Variants in ENOX1 observed in about 807,000 individuals in gnomAD.
ENOX1 encodes candidate growth-related and time keeping constitutive hydroquinone (NADH) oxidase.
In ENOX1, 42 loss-of-function variants were observed where a neutral mutation model predicts 82.5. The ratio of observed to expected loss-of-function variants is 0.51; its 90% CI spans 0.40 to 0.66. The LOEUF is 0.66. ENOX1 is among the 30% of genes least tolerant of loss of function. The pLI is 0.00. For synonymous variants in ENOX1, 271 were observed against 282.2 expected, an observed-to-expected ratio of 0.96 and a Z score of 0.40; for missense variants, 608 against 811.6, an observed-to-expected ratio of 0.75 and a Z score of 3.05.
intron 3 of ENOX1, among the ~76,000 whole-genome samples, chr13:43,481,405 A>C (rs1272209534): frequency 6.6e-6 from 1 of 152,166 alleles, no homozygotes; most frequent in East Asian, 1.9e-4. Context: ...AAGACTCCAC[A>C]AAAGTGTAAG....
intron 2 of ENOX1, among the ~76,000 whole-genome samples, chr13:43,558,924 A>G (rs1024684497): frequency 6.6e-6 from 1 of 152,228 alleles, no homozygotes; most frequent in Non-Finnish European, 1.5e-5. Context: ...GCCACACTTC[A>G]TCCTGTTAAT....
chr13:43,528,318 C>A (rs1046282651), intron 2 of ENOX1, among the ~76,000 whole-genome samples: 4 of 151,992 alleles, frequency 2.6e-5, no homozygotes, highest in African/African-American at 9.7e-5. Flanking sequence ...CAGCATATAC[C>A]CTTTGTATAC....
intron 1 of ENOX1, among the ~76,000 whole-genome samples, chr13:43,783,951 T>A (rs564213016): frequency 6.6e-5 from 10 of 152,338 alleles, no homozygotes; most frequent in African/African-American, 2.2e-4. Flanking sequence ...AGTATCAGGA[T>A]GTGGAAGCAG....
At chr13:43,437,450 G>T (rs1429656943) in intron 3 of ENOX1, among the ~76,000 whole-genome samples, 1 of 152,042 alleles carries the variant, frequency 6.6e-6, no homozygotes, top group African/African-American at 2.4e-5. Flanking sequence ...AACTTTATCG[G>T]GATTCAATCA....
At chr13:43,343,569 T>TGCAA in intron 9 of ENOX1, among the ~76,000 whole-genome samples, 1 of 152,214 alleles carries the variant, frequency 6.6e-6, no homozygotes, top group Admixed American at 6.5e-5. Flanking sequence ...GATCTCAGTT[T>TGCAA]TGCCCTCTCT....
chr13:43,526,166 C>A (rs2077983506), intron 2 of ENOX1, among the ~76,000 whole-genome samples: 1 of 152,084 alleles, frequency 6.6e-6, no homozygotes, highest in African/African-American at 2.4e-5. Flanking sequence ...TAGTGGCAGA[C>A]AAATGGAAGT....
intron 5 of ENOX1, among the ~76,000 whole-genome samples, chr13:43,397,153 T>C (rs965912009): frequency 2.0e-5 from 3 of 152,236 alleles, no homozygotes; most frequent in African/African-American, 7.2e-5. Context: ...AAGGATGACA[T>C]AGAAAATTCA....
At chr13:43,281,109 ATAGGCTT>A (rs1299488742) in intron 12 of ENOX1, among the ~76,000 whole-genome samples, 1 of 152,166 alleles carries the variant, frequency 6.6e-6, no homozygotes, top group Non-Finnish European at 1.5e-5. Flanking sequence ...CAGTTTCCCC[ATAGGCTT>A]TCAACCACCT....
Position 43,322,453 on chromosome 13 carries a change from C to T in ENOX1, c.1192G>A (p.Glu398Lys). The T allele has an allele frequency of 1.2e-6, 2 of 1,614,106 alleles. No homozygotes were observed. The highest frequency in any genetic ancestry group is 1.3e-5 in the African/African-American group (1 of 75,052). ...SEQLMGIRRE[E>K]EMEMSDDENC... ...TCATCATCAGACATTTCCATTTCTT[C>T]TTCGCGGCGGATGCCCATGAGCTGC... The change falls in exon 11 of 17, where the codon GAA becomes AAA. Residue 398 changes from glutamate to lysine, a missense_variant. Glu to Lys is a moderately conservative substitution (Grantham distance 56). Transcript: ENST00000690772.
intron 2 of ENOX1, among the ~76,000 whole-genome samples, chr13:43,502,860 G>C (rs1329639496): frequency 6.6e-6 from 1 of 151,044 alleles, no homozygotes; most frequent in Admixed American, 6.6e-5. Context: ...GAGCAATCAG[G>C]CAATAAAAAG....
chr13:43,718,061 A>G (rs939535579), intron 1 of ENOX1, among the ~76,000 whole-genome samples: 3 of 152,234 alleles, frequency 2.0e-5, no homozygotes, highest in Non-Finnish European at 4.4e-5. Context: ...AATCCATTCT[A>G]TCAAAAAGAC....
At chr13:43,326,730 A>G (rs1035911465) in intron 9 of ENOX1, among the ~76,000 whole-genome samples, 2 of 152,202 alleles carry the variant, frequency 1.3e-5, no homozygotes, top group Non-Finnish European at 2.9e-5. Context: ...ACTTTAGGTT[A>G]AAACAAATTC....
At chr13:43,451,082 AC>A (rs2056940671) in intron 3 of ENOX1, among the ~76,000 whole-genome samples, 1 of 152,152 alleles carries the variant, frequency 6.6e-6, no homozygotes, top group Non-Finnish European at 1.5e-5. Flanking sequence ...TGATGTTGGG[AC>A]CACATTTTGA....
At chr13:43,237,327 C>T (rs2042597962) in intron 14 of ENOX1, among the ~76,000 whole-genome samples, 1 of 152,070 alleles carries the variant, frequency 6.6e-6, no homozygotes, top group Non-Finnish European at 1.5e-5. Flanking sequence ...AACATTGAGG[C>T]TGGACTATTT....
intron 2 of ENOX1, chr13:43,545,629 T>C (rs897349715): frequency 6.6e-6 from 1 of 152,228 alleles, no homozygotes; most frequent in Non-Finnish European, 1.5e-5. Flanking sequence ...GAACACACAA[T>C]TCATTAAAGC....
chr13:43,585,433 G>A (rs2153721985), intron 2 of ENOX1, among the ~76,000 whole-genome samples: 1 of 152,290 alleles, frequency 6.6e-6, no homozygotes, highest in Non-Finnish European at 1.5e-5. Flanking sequence ...AGCAGTAATA[G>A]GAAATTTAGA....
intron 3 of ENOX1, among the ~76,000 whole-genome samples, chr13:43,443,018 C>T (rs1031441974): frequency 1.3e-5 from 2 of 152,108 alleles, no homozygotes; most frequent in African/African-American, 4.8e-5. Flanking sequence ...ATGCCTTTAT[C>T]ATTCTGGGAA....
intron 2 of ENOX1, among the ~76,000 whole-genome samples, chr13:43,503,949 T>G (rs1159642452): frequency 1.3e-5 from 2 of 151,650 alleles, no homozygotes; most frequent in East Asian, 3.9e-4. Context: ...GGGAAAATAA[T>G]TTATCTAATA....
At chr13:43,423,216 T>C (rs2055079057) in intron 3 of ENOX1, among the ~76,000 whole-genome samples, 1 of 152,206 alleles carries the variant, frequency 6.6e-6, no homozygotes. Flanking sequence ...CATTCATGGA[T>C]ATCAATCAAC....
Sources: gnomAD v4.1 joint callset for allele counts (sites outside exome capture counted in the v4.1 genomes callset) on GRCh38, gnomAD v4.1.1 for gene constraint, MANE v1.5 for transcripts, NCBI Gene and HGNC (gene_info 2026-07-23, HGNC 2026-07-21) for gene names.